ARMCX4: variants seen among roughly 807,000 people sequenced by gnomAD.
ARMCX4 encodes the protein armadillo repeat containing X-linked 4.
A neutral mutation model predicts 34.7 loss-of-function variants in ARMCX4; 3 were observed. That is an observed-to-expected ratio of 0.09 (90% confidence interval 0.04 to 0.22). The LOEUF (loss-of-function observed/expected upper bound fraction) is 0.22, where lower values mean the gene tolerates loss of function less well. Among genes scored for constraint, ARMCX4 ranks in the 10% least tolerant of loss-of-function variants. The pLI is 1.00. For missense variants in ARMCX4, 1,448 were observed against 1,720.8 expected (o/e 0.84, Z 2.81); for synonymous variants, 513 against 632.8 (o/e 0.81, Z 2.84).
intron 4 of ARMCX4, among the ~76,000 whole-genome samples, chrX:101,455,217 G>A (rs1190007558): frequency 8.9e-6 from 1 of 111,842 alleles, no homozygotes; most frequent in African/African-American, 3.2e-5. Flanking sequence ...ATGGTGCTTT[G>A]GCAGTAAGTT....
chrX:101,436,336 G>A (rs1254208574), intron 2 of ARMCX4, among the ~76,000 whole-genome samples: 1 of 110,804 alleles, frequency 9.0e-6, no homozygotes, highest in Non-Finnish European at 1.9e-5. Context: ...GTGGTTTGTA[G>A]TTCTCCTTTA....
downstream of ARMCX4, among the ~76,000 whole-genome samples, chrX:101,496,067 A>G (rs1348527051): frequency 1.3e-4 from 14 of 110,697 alleles, no homozygotes; most frequent in African/African-American, 9.9e-5. Context: ...GAAAAAAGGC[A>G]TGGAGATGGG....
intron 7 of ARMCX4, among the ~76,000 whole-genome samples, chrX:101,503,472 A>G (rs1174276802): frequency 9.0e-6 from 1 of 111,290 alleles, no homozygotes; most frequent in Admixed American, 9.5e-5. Context: ...TTTAATGATC[A>G]CCATTCTAAC....
intron 8 of ARMCX4, among the ~76,000 whole-genome samples, chrX:101,507,042 G>T (rs1450310480): frequency 9.0e-6 from 1 of 111,269 alleles, no homozygotes; most frequent in Non-Finnish European, 1.9e-5. Context: ...TACAGTGGAA[G>T]GATTCAGTTG....
rs184911974 is a variant in ARMCX4 at position 101,476,575 on chromosome X, A to T, written c.-472-9448A>T. Reference sequence around the variant, plus strand: ...TTAATGCAGTCCCCACACCGAATCCAAAATTTAAGAAAAAAAAGCATCTTC... The same window carrying T: ...TTAATGCAGTCCCCACACCGAATCCTAAATTTAAGAAAAAAAAGCATCTTC... On this transcript the variant is annotated intron_variant and NMD_transcript_variant, in intron 4 of 15. Transcript: ENST00000433011. Among the ~76,000 whole-genome samples, 3 of 111,377 alleles carry T rather than the reference A, an allele frequency of 2.7e-5. No homozygotes were observed. The Admixed American group carries it at 2.9e-4, about 11-fold the overall frequency.
chrX:101,465,160 A>G (rs1556001777), intron 4 of ARMCX4, among the ~76,000 whole-genome samples: 1 of 111,544 alleles, frequency 9.0e-6, no homozygotes, highest in African/African-American at 3.3e-5. Flanking sequence ...AAAAAGTAAG[A>G]TGGTAGATTT....
chrX:101,503,448 T>C (rs1556014238), intron 7 of ARMCX4, among the ~76,000 whole-genome samples: 1 of 111,635 alleles, frequency 9.0e-6, no homozygotes, highest in African/African-American at 3.3e-5. Context: ...CCAGCACCTG[T>C]TGTTTCCTTA....
chrX:101,494,825 T>C lies in ARMCX4; in HGVS notation c.6236T>C (p.Val2079Ala), dbSNP rs1934143056. The C allele has an allele frequency of 1.7e-6, 2 of 1,152,916 alleles. No homozygotes were observed. The highest frequency in any genetic ancestry group is 1.8e-5 in the African/African-American group (1 of 55,845). ...GATTATTCTTATTCTCATGAAGTTG[T>C]TCGTAATGTAGGTGGAATTTCAGTT... ...SADYSYSHEV[V>A]RNVGGISVIE... Residue 2079 changes from valine to alanine, a missense_variant, in exon 6 of 6, where the codon GTT becomes GCT. Physicochemically the swap from Val to Ala is moderately conservative, Grantham distance 64. Coordinates refer to ENST00000423738, the MANE Select transcript of ARMCX4 (RefSeq NM_001256155.3).
chrX:101,439,932 T>C (rs193159397), intron 2 of ARMCX4, among the ~76,000 whole-genome samples: 156 of 111,854 alleles, frequency 1.4e-3, no homozygotes, highest in Non-Finnish European at 2.3e-3. Flanking sequence ...ACTTCCTCCT[T>C]TAGCTCGGAG....
At chrX:101,436,188 T>C (rs1930751506) in intron 2 of ARMCX4, among the ~76,000 whole-genome samples, 1 of 108,884 alleles carries the variant, frequency 9.2e-6, no homozygotes, top group South Asian at 4.0e-4. Flanking sequence ...AAGAAAGTCA[T>C]TGGTAGCTTG....
At chrX:101,497,799 A>T (rs1934211577), downstream of ARMCX4, among the ~76,000 whole-genome samples, 1 of 112,314 alleles carries the variant, frequency 8.9e-6, no homozygotes, top group Admixed American at 9.4e-5. Context: ...TATTTAAAAA[A>T]TAAAACCATT....
chrX:101,438,275 C>G (rs1033954263), intron 2 of ARMCX4, among the ~76,000 whole-genome samples: 14 of 111,816 alleles, frequency 1.3e-4, no homozygotes, highest in Admixed American at 6.7e-4. Context: ...TAAAGTCTCC[C>G]ATTATCAGGC....
chrX:101,419,941 C>T (rs781855191), intron 2 of ARMCX4, among the ~76,000 whole-genome samples: 1 of 112,114 alleles, frequency 8.9e-6, no homozygotes, highest in Non-Finnish European at 1.9e-5. Flanking sequence ...TATAATAGTA[C>T]TCAAAATATG....
chrX:101,491,671 G>T lies in ARMCX4; in HGVS notation c.3082G>T (p.Ala1028Ser), dbSNP rs1556009287. The T allele has an allele frequency of 8.7e-7, 1 of 1,155,597 alleles. No homozygotes were observed. The highest frequency in any genetic ancestry group is 1.9e-5 in the South Asian group (1 of 52,714). The change falls in exon 6 of 6, where the codon GCC becomes TCC. Residue 1028 changes from alanine (A) to serine (S), a missense_variant. By Grantham distance (99) the Ala-to-Ser change is moderately conservative. Around this residue, in one of 2 missense-constraint regions of ARMCX4, gnomAD observed 1,343 missense variants for 1,540.7 expected, o/e 0.87. Coordinates refer to ENST00000423738, the MANE Select transcript of ARMCX4 (RefSeq NM_001256155.3). ...AGTGAGTRHSAQPQIVAGSQG... is the reference protein window; with the variant it reads ...AGTGAGTRHSSQPQIVAGSQG... ...GACTGGGGCAGGCACAAGGCACTCT[G>T]CCCAGCCTCAGATTGTGGCCGGTTC...
intron 12 of ARMCX4, chrX:101,532,536 C>A (rs1297408725): frequency 9.0e-6 from 1 of 111,202 alleles, no homozygotes; most frequent in East Asian, 2.8e-4. Context: ...ACAGGGAGAG[C>A]AATGCTCAGA....
intron 11 of ARMCX4, among the ~76,000 whole-genome samples, chrX:101,515,394 C>CTTTCTTTCTTTTT (rs1569346593): frequency 1.2e-3 from 1 of 854 alleles, no homozygotes; most frequent in East Asian, 0.067. Context: ...TCTTTCTTTC[C>CTTTCTTTCTTTTT]CTCCCTCCCT....
At chrX:101,477,071 ATATAT>A (rs2147639989) in intron 4 of ARMCX4, among the ~76,000 whole-genome samples, 1 of 111,628 alleles carries the variant, frequency 9.0e-6, no homozygotes, top group Non-Finnish European at 1.9e-5. Context: ...AAAATGGATC[ATATAT>A]TAATAAAATA....
At chrX:101,505,679 A>G (rs1048584465) in intron 8 of ARMCX4, among the ~76,000 whole-genome samples, 2 of 111,842 alleles carry the variant, frequency 1.8e-5, no homozygotes, top group Non-Finnish European at 3.8e-5. Flanking sequence ...CAGCAGTATT[A>G]TCATGCATGT....
chrX:101,498,696 A>G (rs1359886917), downstream of ARMCX4: 1 of 112,209 alleles, frequency 8.9e-6, no homozygotes, highest in African/African-American at 3.2e-5. Flanking sequence ...GCAAGCTTCA[A>G]AGAAAGTTAA....
Sources: allele counts gnomAD v4.1 joint callset (sites outside exome capture counted in the v4.1 genomes callset), GRCh38; gene constraint gnomAD v4.1.1; regional missense constraint gnomAD v4.1.1; transcripts MANE v1.5; gene names NCBI Gene and HGNC (gene_info 2026-07-23, HGNC 2026-07-21).